DOP1A: variants seen among roughly 807,000 people sequenced by gnomAD.
DOP1A encodes protein DOP1A.
In DOP1A, 90 loss-of-function variants were observed where a neutral mutation model predicts 267.6. That is an observed-to-expected ratio of 0.34 (90% CI 0.28 to 0.40). The LOEUF (loss-of-function observed/expected upper bound fraction) is 0.40. Among genes scored for constraint, DOP1A ranks in the 10% least tolerant of loss-of-function variants. The pLI is 1.00. For missense variants in DOP1A, 2,437 were observed against 2,900.4 expected (o/e 0.84, Z 3.67); for synonymous variants, 932 against 999.1 (o/e 0.93, Z 1.27).
At chr6:83,147,546 T>A (rs899379616) in intron 26 of DOP1A, among the ~76,000 whole-genome samples, 1 of 152,198 alleles carries the variant, frequency 6.6e-6, no homozygotes, top group Non-Finnish European at 1.5e-5. Flanking sequence ...TATTTTGGTA[T>A]AGGTGAACAT....
chr6:83,165,875 G>A lies in DOP1A; in HGVS notation c.7093-1987G>A, dbSNP rs185465077. On this transcript the variant is annotated intron_variant, in intron 38 of 38. Coordinates refer to ENST00000349129, the MANE Select transcript of DOP1A (RefSeq NM_015018.4). ...TTGGTGCATCTCATTGATTTGCTGAGCATACTTATCAGATGTAATGGTTTC... is the reference window on the plus strand; with the variant it reads ...TTGGTGCATCTCATTGATTTGCTGAACATACTTATCAGATGTAATGGTTTC... 8 of 380,764 alleles carry A rather than the reference G, an allele frequency of 2.1e-5. No individual in the cohort carries two copies. The East Asian group carries it at 4.7e-4, about 23-fold the overall frequency. 23.6% of individuals were successfully genotyped at this position (380,764 alleles called of 1,614,324 possible).
intron 15 of DOP1A, among the ~76,000 whole-genome samples, chr6:83,127,782 C>T (rs1777428457): frequency 6.6e-6 from 1 of 152,124 alleles, no homozygotes; most frequent in Non-Finnish European, 1.5e-5. Flanking sequence ...ATCACTAACA[C>T]TTAATGAGTG....
chr6:83,165,739 C>A, intron 38 of DOP1A: 1 of 235,878 alleles, frequency 4.2e-6, no homozygotes, highest in South Asian at 5.4e-5. Flanking sequence ...ACTTCATAGC[C>A]CAATTAGTTC....
At chr6:83,117,274 C>G (rs1775613904) in intron 7 of DOP1A, among the ~76,000 whole-genome samples, 1 of 151,920 alleles carries the variant, frequency 6.6e-6, no homozygotes, top group African/African-American at 2.4e-5. Context: ...CCTCAGCCTC[C>G]TGAGTAGCTG....
chr6:83,130,457 C>G, intron 17 of DOP1A, 60 bp downstream of exon 17: 1 of 1,534,668 alleles, frequency 6.5e-7, no homozygotes, highest in Non-Finnish European at 8.7e-7. Context: ...GATACTTGAC[C>G]TAGTTTGCTT....
At position 83,129,423 on chromosome 6, in the gene DOP1A, G is replaced by C. The variant is rs1464807796; in HGVS notation, c.2256G>C (p.Gln752His). 7 of 1,609,532 alleles carry C rather than the reference G, an allele frequency of 4.3e-6. No homozygotes were observed. The African/African-American group carries it at 8.0e-5, about 18-fold the overall frequency. The change falls in exon 16 of 39, where the codon CAG becomes CAC. Residue 752 changes from glutamine to histidine, a missense_variant. Coordinates refer to ENST00000349129, the MANE Select transcript of DOP1A (RefSeq NM_015018.4). ...EYLSAFLAAC[Q>H]LFLECSSFPV... is the part of the protein sequence containing the mutation. Reference sequence around the variant, plus strand: ...TGTCTGCCTTCCTTGCTGCCTGTCAGCTCTTCCTAGAGTGCTCAAGTTTCC... The same window carrying C: ...TGTCTGCCTTCCTTGCTGCCTGTCACCTCTTCCTAGAGTGCTCAAGTTTCC...
chr6:83,145,738 A>G (rs1223018270), intron 25 of DOP1A, 80 bp downstream of exon 25: 9 of 1,404,066 alleles, frequency 6.4e-6, no homozygotes, highest in Non-Finnish European at 7.8e-6. Flanking sequence ...TTGTACAATA[A>G]TGTCCTTTCA....
intron 4 of DOP1A, among the ~76,000 whole-genome samples, chr6:83,103,284 T>A (rs1772942233): frequency 6.6e-6 from 1 of 152,146 alleles, no homozygotes; most frequent in African/African-American, 2.4e-5. Context: ...AGAGCTAAGC[T>A]ATGAGGATGC....
chr6:83,168,500 A>G, downstream of DOP1A: 1 of 1,016,900 alleles, frequency 9.8e-7, no homozygotes, highest in Non-Finnish European at 1.2e-6. Flanking sequence ...TTCAATTAAG[A>G]TTGGTTGGGG....
intron 23 of DOP1A, among the ~76,000 whole-genome samples, chr6:83,141,038 A>T (rs974402049): frequency 6.6e-6 from 1 of 152,176 alleles, no homozygotes; most frequent in Admixed American, 6.5e-5. Flanking sequence ...TGTATATACA[A>T]AGTGTTCATT....
chr6:83,170,280 T>C, downstream of DOP1A: 1 of 1,610,250 alleles, frequency 6.2e-7, no homozygotes, highest in Non-Finnish European at 8.5e-7. Context: ...TTAGGCTCTT[T>C]TTCAATAGAA....
At chr6:83,134,353 C>A in intron 19 of DOP1A, 66 bp downstream of exon 19, 1 of 1,370,368 alleles carries the variant, frequency 7.3e-7, no homozygotes, top group East Asian at 2.4e-5. Flanking sequence ...TCCTTGAGTC[C>A]ACTGTCTAGC....
At chr6:83,152,876 C>T (rs1781992326) in intron 30 of DOP1A, among the ~76,000 whole-genome samples, 1 of 152,060 alleles carries the variant, frequency 6.6e-6, no homozygotes, top group African/African-American at 2.4e-5. Flanking sequence ...CCTCGGCTTC[C>T]CAAAGTGCTG....
downstream of DOP1A, chr6:83,168,941 C>T: frequency 6.2e-6 from 7 of 1,126,452 alleles, no homozygotes; most frequent in Non-Finnish European, 7.6e-6. Context: ...CAGTAGCCTG[C>T]ATGAATTGTT....
intron 25 of DOP1A, among the ~76,000 whole-genome samples, chr6:83,146,076 C>T (rs1252788330): frequency 6.6e-6 from 1 of 152,182 alleles, no homozygotes; most frequent in African/African-American, 2.4e-5. Flanking sequence ...TTGCTATAAC[C>T]TTAGTTCTAG....
intron 1 of DOP1A, among the ~76,000 whole-genome samples, chr6:83,083,866 G>C (rs576218667): frequency 2.2e-4 from 33 of 152,212 alleles, no homozygotes; most frequent in Admixed American, 7.8e-4. Flanking sequence ...CTTATGTTTT[G>C]TATTTTCTAA....
At chr6:83,149,668 G>A (rs984467579) in intron 27 of DOP1A, among the ~76,000 whole-genome samples, 1 of 152,142 alleles carries the variant, frequency 6.6e-6, no homozygotes, top group African/African-American at 2.4e-5. Context: ...GTTAGTAGTA[G>A]TAGGCTAGAT....
At chr6:83,150,195 G>A (rs1428855871) in intron 27 of DOP1A, among the ~76,000 whole-genome samples, 1 of 152,122 alleles carries the variant, frequency 6.6e-6, no homozygotes, top group Non-Finnish European at 1.5e-5. Context: ...GCAACATAGG[G>A]AGACTGTGTC....
At chr6:83,130,046 G>C in intron 16 of DOP1A, 77 bp from the exon 17 acceptor site, 1 of 1,533,432 alleles carries the variant, frequency 6.5e-7, no homozygotes, top group Non-Finnish European at 8.8e-7. Context: ...TAGTGGCTTT[G>C]TTTTTTGAAA....
Sources: gnomAD v4.1 joint callset for allele counts (sites outside exome capture counted in the v4.1 genomes callset) on GRCh38, gnomAD v4.1.1 for gene constraint, MANE v1.5 for transcripts, NCBI Gene and HGNC (gene_info 2026-07-23, HGNC 2026-07-21) for gene names.